MAGI1: variants seen among roughly 807,000 people sequenced by gnomAD.
MAGI1 encodes the protein membrane-associated guanylate kinase, WW and PDZ domain-containing protein 1.
MAGI1 carries 58 observed loss-of-function variants against 139.9 expected under a neutral mutation model. The ratio of observed to expected loss-of-function variants is 0.41; its 90% confidence interval spans 0.34 to 0.52. The LOEUF (loss-of-function observed/expected upper bound fraction) is 0.52, where lower values mean the gene tolerates loss of function less well. MAGI1 is among the 20% of genes least tolerant of loss of function. The pLI is 0.12. For missense variants in MAGI1, 1,874 were observed against 1,901.6 expected (o/e 0.99, Z 0.27); for synonymous variants, 812 against 737.9 (o/e 1.10, Z -1.63).
intron 1 of MAGI1, among the ~76,000 whole-genome samples, chr3:65,746,532 C>T (rs900125933): frequency 1.3e-5 from 2 of 152,172 alleles, no homozygotes; most frequent in Middle Eastern, 3.4e-3. Flanking sequence ...ACATAACAAT[C>T]ACATAATCAA....
At chr3:65,913,578 G>C (rs1445820117) in intron 1 of MAGI1, among the ~76,000 whole-genome samples, 1 of 152,140 alleles carries the variant, frequency 6.6e-6, no homozygotes, top group Non-Finnish European at 1.5e-5. Context: ...TCACTAATTT[G>C]GGAAATGCTG....
chr3:65,819,192 G>A (rs1004354009), intron 1 of MAGI1, among the ~76,000 whole-genome samples: 5 of 152,160 alleles, frequency 3.3e-5, no homozygotes, highest in Admixed American at 6.5e-5. Flanking sequence ...GCTGAAGCAG[G>A]AGAATCACTT....
At chr3:65,481,785 G>A (rs1386965102) in intron 3 of MAGI1, among the ~76,000 whole-genome samples, 1 of 152,148 alleles carries the variant, frequency 6.6e-6, no homozygotes, top group African/African-American at 2.4e-5. Context: ...GAAAATAAAA[G>A]TTCCACTTAA....
At chr3:65,761,991 C>T (rs895581443) in intron 1 of MAGI1, among the ~76,000 whole-genome samples, 3 of 152,058 alleles carry the variant, frequency 2.0e-5, no homozygotes, top group Admixed American at 1.3e-4. Flanking sequence ...CTTCCATATC[C>T]ACACCTCAAT....
chr3:65,647,372 C>A (rs2085324402), intron 1 of MAGI1, among the ~76,000 whole-genome samples: 1 of 152,052 alleles, frequency 6.6e-6, no homozygotes, highest in African/African-American at 2.4e-5. Context: ...ACAAGATTTC[C>A]CAATTTATTT....
chr3:65,891,365 C>G (rs1046905114), intron 1 of MAGI1, among the ~76,000 whole-genome samples: 4 of 152,078 alleles, frequency 2.6e-5, no homozygotes, highest in African/African-American at 9.7e-5. Flanking sequence ...TATTACAAAT[C>G]TGGTAATATG....
intron 1 of MAGI1, among the ~76,000 whole-genome samples, chr3:65,928,369 G>A (rs1309683589): frequency 6.6e-6 from 1 of 152,200 alleles, no homozygotes; most frequent in Admixed American, 6.5e-5. Context: ...CTTGCTCTGA[G>A]AACTTGAGGC....
At chr3:65,784,510 G>A (rs955223912) in intron 1 of MAGI1, among the ~76,000 whole-genome samples, 10 of 152,062 alleles carry the variant, frequency 6.6e-5, no homozygotes, top group African/African-American at 2.2e-4. Flanking sequence ...GAGGTCAGGA[G>A]ATGAAGATCA....
chr3:65,680,778 G>GAT (rs2087533500), intron 1 of MAGI1, among the ~76,000 whole-genome samples: 1 of 135,714 alleles, frequency 7.4e-6, no homozygotes, highest in African/African-American at 3.7e-5. Context: ...GATATGATAT[G>GAT]ATATGATATG....
At chr3:65,586,058 A>C (rs1233787582) in intron 2 of MAGI1, among the ~76,000 whole-genome samples, 1 of 152,034 alleles carries the variant, frequency 6.6e-6, no homozygotes, top group African/African-American at 2.4e-5. Flanking sequence ...AAATTTAAAA[A>C]ATTATCAGGG....
chr3:65,806,129 T>C (rs552041892), intron 1 of MAGI1, among the ~76,000 whole-genome samples: 1 of 152,076 alleles, frequency 6.6e-6, no homozygotes, highest in South Asian at 2.1e-4. Flanking sequence ...AAATTAAAAA[T>C]TTTTTTCAAA....
intron 1 of MAGI1, among the ~76,000 whole-genome samples, chr3:65,689,607 A>G (rs1314384400): frequency 2.0e-5 from 3 of 152,194 alleles, no homozygotes; most frequent in African/African-American, 7.2e-5. Context: ...GCCCACAGAC[A>G]AGGAAAACTC....
At chr3:65,606,288 C>T (rs2082734010) in intron 2 of MAGI1, among the ~76,000 whole-genome samples, 1 of 152,144 alleles carries the variant, frequency 6.6e-6, no homozygotes, top group African/African-American at 2.4e-5. Flanking sequence ...CACCGTGCCT[C>T]TCAGTGCCCT....
Position 65,381,921 on chromosome 3 carries a change from T to C in MAGI1, c.2657A>G (p.Gln886Arg), listed in dbSNP as rs1263057498. 2 of 1,614,066 alleles carry C rather than the reference T, an allele frequency of 1.2e-6. No homozygotes were observed. Among genetic ancestry groups the C allele is most frequent in the Non-Finnish European group, 1.7e-6 (2 of 1,179,998 alleles). Residue 886 changes from glutamine to arginine, a missense_variant, in exon 16 of 23, where the codon CAA (glutamine) becomes CGA (arginine). By Grantham distance (43) the Gln-to-Arg change is conservative (BLOSUM62 1). This residue lies in a region of MAGI1 where 482 missense variants were observed against 509.6 expected (regional missense o/e 0.95). Coordinates refer to ENST00000402939, the MANE Select transcript of MAGI1 (RefSeq NM_001033057.2). Reference sequence around the variant, plus strand: ...CCGCACCGTGAGATTGACGTGGCCTTGCTTGGCAGCTTGTTGCATAAGCTG... The same window carrying C: ...CCGCACCGTGAGATTGACGTGGCCTCGCTTGGCAGCTTGTTGCATAAGCTG... ...VVQLMQQAAK[Q>R]GHVNLTVRRK... is the part of the protein sequence containing the mutation.
chr3:65,946,286 C>T (rs2063541466), intron 1 of MAGI1, among the ~76,000 whole-genome samples: 1 of 152,232 alleles, frequency 6.6e-6, no homozygotes, highest in Non-Finnish European at 1.5e-5. Flanking sequence ...AGTTAAAGAA[C>T]TTTCGGGAAC....
chr3:65,409,680 G>A (rs968978750), intron 12 of MAGI1, among the ~76,000 whole-genome samples: 2 of 151,450 alleles, frequency 1.3e-5, no homozygotes, highest in Non-Finnish European at 2.9e-5. Flanking sequence ...TAACCCCGTA[G>A]CATAATTTTT....
At chr3:65,803,389 TGC>T (rs1258714883) in intron 1 of MAGI1, among the ~76,000 whole-genome samples, 2 of 152,168 alleles carry the variant, frequency 1.3e-5, no homozygotes, top group African/African-American at 4.8e-5. Flanking sequence ...TTCCTTTACA[TGC>T]TTACTGACTA....
chr3:65,502,730 A>G (rs921993986), intron 2 of MAGI1, among the ~76,000 whole-genome samples: 3 of 152,180 alleles, frequency 2.0e-5, no homozygotes, highest in Admixed American at 2.0e-4. Context: ...TTAACTCCTA[A>G]AGGCTCCTCC....
At chr3:65,648,054 C>A (rs2085360737) in intron 1 of MAGI1, among the ~76,000 whole-genome samples, 1 of 152,060 alleles carries the variant, frequency 6.6e-6, no homozygotes, top group African/African-American at 2.4e-5. Context: ...TAGAAAATCC[C>A]AAGGAATCTG....
Sources: allele counts gnomAD v4.1 joint callset (sites outside exome capture counted in the v4.1 genomes callset), GRCh38; gene constraint gnomAD v4.1.1; regional missense constraint gnomAD v4.1.1; transcripts MANE v1.5; gene names NCBI Gene and HGNC (gene_info 2026-07-23, HGNC 2026-07-21).